Variants in CHLSN observed in about 807,000 individuals in gnomAD.
CHLSN encodes the protein protein cholesin.
At chr7:1,136,139 TA>T in the CHLSN span, among the ~76,000 whole-genome samples, 1 of 79,796 alleles carries the variant, frequency 1.3e-5, no homozygotes, top group Non-Finnish European at 2.4e-5. Flanking sequence ...AATATATACA[TA>T]AATATATAAA....
the CHLSN span, chr7:1,010,275 C>CG: frequency 1.3e-6 from 1 of 765,974 alleles, no homozygotes; most frequent in Admixed American, 3.1e-5. Flanking sequence ...CTGGGTCTGG[C>CG]CCCAGCCGAC....
chr7:1,043,091 CAAA>C, the CHLSN span, among the ~76,000 whole-genome samples: 2 of 135,162 alleles, frequency 1.5e-5, no homozygotes, highest in Non-Finnish European at 1.6e-5. Flanking sequence ...ATCTCTACTA[CAAA>C]AAAAAAAAAA....
the CHLSN span, among the ~76,000 whole-genome samples, chr7:1,016,662 C>T: frequency 6.8e-5 from 4 of 58,540 alleles, no homozygotes; most frequent in East Asian, 3.0e-4. Context: ...CACACAGCAG[C>T]GCACAGCAGC....
the CHLSN span, among the ~76,000 whole-genome samples, chr7:1,038,333 A>T: frequency 2.9e-5 from 2 of 68,984 alleles, no homozygotes; most frequent in Non-Finnish European, 6.2e-5. Context: ...CCGGCCAGCC[A>T]CCCCGTCCGG....
the CHLSN span, chr7:1,093,739 C>G: frequency 4.4e-6 from 2 of 457,326 alleles, no homozygotes; most frequent in Non-Finnish European, 4.6e-6. Context: ...TAAAAACCTT[C>G]CCATAAAATG....
the CHLSN span, chr7:1,093,769 T>C: frequency 2.3e-6 from 1 of 441,308 alleles, no homozygotes; most frequent in Non-Finnish European, 4.8e-6. Context: ...CTGATGAGGC[T>C]GGTGACGTTC....
the CHLSN span, among the ~76,000 whole-genome samples, chr7:1,103,859 C>T: frequency 6.6e-6 from 1 of 152,230 alleles, no homozygotes; most frequent in African/African-American, 2.4e-5. Context: ...GGGGTGGGCT[C>T]CCAAGGACCA....
chr7:1,120,903 C>G, the CHLSN span, among the ~76,000 whole-genome samples: 1 of 152,012 alleles, frequency 6.6e-6, no homozygotes, highest in African/African-American at 2.4e-5. Flanking sequence ...CGACAGGCGG[C>G]CCATGAACTA....
the CHLSN span, among the ~76,000 whole-genome samples, chr7:994,024 C>T: frequency 8.2e-3 from 1,246 of 152,288 alleles, 19 homozygotes; most frequent in African/African-American, 0.027. Flanking sequence ...TCTGCGTGTT[C>T]GCACCCCCAA....
At chr7:1,083,306 C>T in the CHLSN span, among the ~76,000 whole-genome samples, 2 of 152,194 alleles carry the variant, frequency 1.3e-5, no homozygotes, top group Admixed American at 6.5e-5. Context: ...CAGCAAATTC[C>T]GTCTTGTGAG....
chr7:990,742 C>T, the CHLSN span, among the ~76,000 whole-genome samples: 35 of 152,256 alleles, frequency 2.3e-4, no homozygotes, highest in African/African-American at 8.4e-4. Context: ...CACTATTCTC[C>T]CCTCAGACAT....
chr7:1,017,803 C>A, the CHLSN span, among the ~76,000 whole-genome samples: 1 of 152,310 alleles, frequency 6.6e-6, no homozygotes, highest in Middle Eastern at 3.4e-3. Flanking sequence ...TCTGCCCCCG[C>A]CCCCCACTGC....
the CHLSN span, among the ~76,000 whole-genome samples, chr7:1,124,747 A>C: frequency 0.23 from 34,317 of 148,480 alleles, 4,278 homozygotes; most frequent in Middle Eastern, 0.36. Context: ...AAAAAGCACA[A>C]AAAAAAAAAA....
At chr7:1,004,438 C>T in the CHLSN span, among the ~76,000 whole-genome samples, 1 of 152,222 alleles carries the variant, frequency 6.6e-6, no homozygotes, top group Non-Finnish European at 1.5e-5. Context: ...CTGCTCTGCA[C>T]ACTGCCCTCC....
At chr7:1,025,202 A>G in the CHLSN span, 1 of 152,312 alleles carries the variant, frequency 6.6e-6, no homozygotes, top group Non-Finnish European at 1.5e-5. Flanking sequence ...CTCCCCGCAG[A>G]GCTCTGCAGA....
the CHLSN span, among the ~76,000 whole-genome samples, chr7:1,039,353 C>A: frequency 2.0e-5 from 1 of 49,378 alleles, no homozygotes. Flanking sequence ...CCGCCCCGTC[C>A]GGGAGGGAGG....
At chr7:1,136,231 T>C in the CHLSN span, among the ~76,000 whole-genome samples, 6 of 115,676 alleles carry the variant, frequency 5.2e-5, no homozygotes, top group Admixed American at 4.1e-4. Context: ...CATATATAAA[T>C]ATATAAAATA....
the CHLSN span, among the ~76,000 whole-genome samples, chr7:1,089,391 C>T: frequency 1.3e-5 from 2 of 152,046 alleles, no homozygotes; most frequent in Admixed American, 6.5e-5. Flanking sequence ...GGCCTCACTG[C>T]AGTAGCTCAG....
At chr7:1,115,106 TCTAC>T in the CHLSN span, among the ~76,000 whole-genome samples, 1 of 152,248 alleles carries the variant, frequency 6.6e-6, no homozygotes, top group African/African-American at 2.4e-5. Context: ...ATTCAAAGTC[TCTAC>T]TTGCTTAAAA....
Sources: gnomAD v4.1 joint callset for allele counts (sites outside exome capture counted in the v4.1 genomes callset) on GRCh38, gnomAD v4.1.1 for gene constraint, MANE v1.5 for transcripts, NCBI Gene and HGNC (gene_info 2026-07-23, HGNC 2026-07-21) for gene names.